PTPRD: variants seen among roughly 807,000 people sequenced by gnomAD.
The protein encoded by PTPRD is protein tyrosine phosphatase receptor type D, also known as receptor-type tyrosine-protein phosphatase delta.
Under a neutral mutation model 214.5 loss-of-function variants are expected in PTPRD, and 34 were observed. The observed-to-expected ratio is 0.16, with a 90% CI of 0.12 to 0.21. The LOEUF is 0.21. Ranked by LOEUF, PTPRD falls within the 10% of genes least tolerant of loss-of-function variation. PTPRD has a pLI of 1.00. For synonymous variants in PTPRD, 1,128 were observed against 845.7 expected (o/e 1.33, Z -5.79); for missense variants, 2,545 against 2,398.7 (o/e 1.06, Z -1.27).
chr9:9,520,964 G>A (rs1396609921), intron 8 of PTPRD, among the ~76,000 whole-genome samples: 2 of 152,136 alleles, frequency 1.3e-5, no homozygotes, highest in Non-Finnish European at 2.9e-5. Flanking sequence ...TGTAAAAATT[G>A]TAGATTTGTA....
chr9:9,482,411 T>A (rs1405013476), intron 8 of PTPRD, among the ~76,000 whole-genome samples: 2 of 152,180 alleles, frequency 1.3e-5, no homozygotes, highest in Non-Finnish European at 2.9e-5. Flanking sequence ...CAGTTTTAGG[T>A]TCACAGCAAA....
At chr9:9,392,010 A>C (rs1170994468) in intron 9 of PTPRD, among the ~76,000 whole-genome samples, 1 of 152,118 alleles carries the variant, frequency 6.6e-6, no homozygotes, top group Non-Finnish European at 1.5e-5. Flanking sequence ...ACTCTTAAGC[A>C]ACAGAGAAAA....
At chr9:9,854,483 T>C (rs2061156608) in intron 5 of PTPRD, among the ~76,000 whole-genome samples, 2 of 151,748 alleles carry the variant, frequency 1.3e-5, no homozygotes, top group Non-Finnish European at 2.9e-5. Flanking sequence ...CCAAGAATCT[T>C]TTCTCAGAAA....
Position 9,650,995 on chromosome 9 carries a change from A to G in PTPRD, c.-286-76214T>C, listed in dbSNP as rs150551506. The stretch of plus-strand genomic sequence containing the variant: ...ACATTTATATTAAATTATACAAATA[A>G]TTTATCTTCGCAAAAAGACTATTAA... On this transcript the variant is annotated intron_variant, in intron 7 of 45. Coordinates refer to ENST00000381196, the MANE Select transcript of PTPRD (RefSeq NM_002839.4). Among the ~76,000 whole-genome samples, 981 of 152,190 alleles carry G rather than the reference A, an allele frequency of 6.4e-3. 8 individuals are homozygous for G. Among genetic ancestry groups the G allele is most frequent in the African/African-American group, 0.023 (945 of 41,558 alleles).
In PTPRD at chr9:9,673,734, A is replaced by G. The variant is rs1014135596; in HGVS notation, c.-287+60799T>C. Among the ~76,000 whole-genome samples the G allele has an allele frequency of 1.2e-4, 18 of 151,612 alleles. 1 individual carries two copies. The highest frequency in any genetic ancestry group is 7.2e-4 in the Admixed American group (11 of 15,208). On this transcript the variant is annotated intron_variant, in intron 7 of 45. Coordinates refer to ENST00000381196, the MANE Select transcript of PTPRD (RefSeq NM_002839.4). ...AGACAATTTAGAAAAAAAAAAGCAT[A>G]CCTGGATACACTGTAATAAAACTTC... is the stretch of plus-strand genomic sequence containing the variant.
At chr9:10,568,649 C>G (rs1029589627) in intron 2 of PTPRD, among the ~76,000 whole-genome samples, 14 of 151,998 alleles carry the variant, frequency 9.2e-5, no homozygotes, top group African/African-American at 3.1e-4. Context: ...GTTGACAAAC[C>G]TGACAAAAAC....
chr9:8,991,990 GA>G (rs1346738510), intron 11 of PTPRD, among the ~76,000 whole-genome samples: 4 of 152,076 alleles, frequency 2.6e-5, no homozygotes, highest in Admixed American at 6.6e-5. Flanking sequence ...AAAAAATGAA[GA>G]AAGAATGTTC....
At chr9:9,180,431 A>G (rs956840371) in intron 10 of PTPRD, among the ~76,000 whole-genome samples, 9 of 123,788 alleles carry the variant, frequency 7.3e-5, no homozygotes, top group African/African-American at 2.8e-4. Context: ...GGAACATCAC[A>G]CAGTGGGGCC....
intron 2 of PTPRD, among the ~76,000 whole-genome samples, chr9:10,469,506 A>T (rs1406189542): frequency 6.6e-6 from 1 of 152,152 alleles, no homozygotes; most frequent in Admixed American, 6.6e-5. Flanking sequence ...ATTCCAAAGG[A>T]AATTTTATGA....
intron 9 of PTPRD, among the ~76,000 whole-genome samples, chr9:9,260,275 A>G (rs1594742139): frequency 6.6e-6 from 1 of 151,852 alleles, no homozygotes; most frequent in Non-Finnish European, 1.5e-5. Context: ...ATATGGAAAC[A>G]TTAAGACCAT....
At chr9:8,587,820 T>C (rs966862701) in intron 14 of PTPRD, among the ~76,000 whole-genome samples, 16 of 152,194 alleles carry the variant, frequency 1.1e-4, no homozygotes, top group Non-Finnish European at 2.9e-5. Context: ...TCCATAAATA[T>C]AAATCCCGAC....
intron 8 of PTPRD, among the ~76,000 whole-genome samples, chr9:9,448,769 G>A (rs1422401452): frequency 6.6e-6 from 1 of 151,934 alleles, no homozygotes; most frequent in Non-Finnish European, 1.5e-5. Flanking sequence ...AAGAGATCCA[G>A]GAAATTTACT....
intron 10 of PTPRD, among the ~76,000 whole-genome samples, chr9:9,050,837 T>C (rs1241258284): frequency 6.6e-6 from 1 of 152,146 alleles, no homozygotes; most frequent in Non-Finnish European, 1.5e-5. Flanking sequence ...TCTCTTACTG[T>C]GCCTAATATA....
chr9:8,932,614 G>T (rs2098960704), intron 11 of PTPRD, among the ~76,000 whole-genome samples: 1 of 152,156 alleles, frequency 6.6e-6, no homozygotes, highest in African/African-American at 2.4e-5. Context: ...CAACAGCTTT[G>T]CCAAGTTGTG....
intron 9 of PTPRD, among the ~76,000 whole-genome samples, chr9:9,376,713 C>T (rs1025296031): frequency 2.6e-5 from 4 of 152,008 alleles, no homozygotes; most frequent in African/African-American, 9.7e-5. Context: ...TTTAATAGGA[C>T]TGTAAGACTG....
At chr9:9,619,134 C>T (rs964658006) in intron 7 of PTPRD, among the ~76,000 whole-genome samples, 1 of 152,094 alleles carries the variant, frequency 6.6e-6, no homozygotes, top group East Asian at 1.9e-4. Context: ...AAGGCAAACG[C>T]ATGAGTTGTG....
intron 2 of PTPRD, among the ~76,000 whole-genome samples, chr9:10,499,862 C>A (rs1566543499): frequency 6.6e-6 from 1 of 151,624 alleles, no homozygotes; most frequent in Non-Finnish European, 1.5e-5. Flanking sequence ...GTTATCCTAC[C>A]AGGTTATAGA....
At chr9:9,052,633 C>G (rs768466040) in intron 10 of PTPRD, among the ~76,000 whole-genome samples, 1 of 152,168 alleles carries the variant, frequency 6.6e-6, no homozygotes, top group Non-Finnish European at 1.5e-5. Flanking sequence ...GAACCATGGA[C>G]TTTCCCTCTC....
At chr9:9,945,817 T>A (rs546346458) in intron 4 of PTPRD, among the ~76,000 whole-genome samples, 1 of 152,216 alleles carries the variant, frequency 6.6e-6, no homozygotes, top group Non-Finnish European at 1.5e-5. Context: ...TAGACCATGT[T>A]CTCTGACCAT....
Sources: allele counts gnomAD v4.1 joint callset (sites outside exome capture counted in the v4.1 genomes callset), GRCh38; gene constraint gnomAD v4.1.1; transcripts MANE v1.5; gene names NCBI Gene and HGNC (gene_info 2026-07-23, HGNC 2026-07-21).